SEMA5A: variants seen among roughly 807,000 people sequenced by gnomAD.
The protein encoded by SEMA5A is semaphorin-5A.
In SEMA5A, 55 loss-of-function variants were observed where a neutral mutation model predicts 135.5. That is an observed-to-expected ratio of 0.41 (90% CI 0.33 to 0.51). The LOEUF is 0.51. Among genes scored for constraint, SEMA5A ranks in the 20% least tolerant of loss-of-function variants. The pLI, the probability that SEMA5A is intolerant of heterozygous loss-of-function variation, is 0.37. For missense variants in SEMA5A, 1,290 were observed against 1,419.9 expected (o/e 0.91, Z 1.47); for synonymous variants, 580 against 546.5 (o/e 1.06, Z -0.85).
At chr5:9,455,266 T>A (rs1283826909) in intron 1 of SEMA5A, among the ~76,000 whole-genome samples, 130 of 151,776 alleles carry the variant, frequency 8.6e-4, no homozygotes, top group South Asian at 2.1e-3. Context: ...TATTTTTTTT[T>A]TTTTTTTGAG....
chr5:9,526,881 G>T (rs1048683684), intron 1 of SEMA5A, among the ~76,000 whole-genome samples: 1 of 152,196 alleles, frequency 6.6e-6, no homozygotes, highest in Admixed American at 6.5e-5. Flanking sequence ...GACATACTCA[G>T]TAAAAGATGC....
intron 4 of SEMA5A, among the ~76,000 whole-genome samples, chr5:9,330,017 T>C (rs1753049130): frequency 1.3e-5 from 2 of 152,144 alleles, no homozygotes; most frequent in African/African-American, 4.8e-5. Flanking sequence ...ATTTTAGGCT[T>C]GTGGTTAAAT....
chr5:9,082,187 T>C (rs941649223), intron 16 of SEMA5A, among the ~76,000 whole-genome samples: 89 of 152,194 alleles, frequency 5.8e-4, no homozygotes, highest in African/African-American at 2.0e-3. Context: ...AAACTGAAAA[T>C]AGGGGTGCAT....
At chr5:9,398,907 A>G (rs1444069739) in intron 2 of SEMA5A, among the ~76,000 whole-genome samples, 1 of 152,226 alleles carries the variant, frequency 6.6e-6, no homozygotes, top group Non-Finnish European at 1.5e-5. Flanking sequence ...TGTGCTACCA[A>G]TGGTATAAAG....
chr5:9,079,520 A>T (rs1738252826), intron 16 of SEMA5A, among the ~76,000 whole-genome samples: 1 of 152,010 alleles, frequency 6.6e-6, no homozygotes, highest in Non-Finnish European at 1.5e-5. Context: ...GCAACAGCAA[A>T]CACATTCAAA....
intron 1 of SEMA5A, among the ~76,000 whole-genome samples, chr5:9,508,723 CT>C (rs1579655347): frequency 6.6e-6 from 1 of 152,146 alleles, no homozygotes; most frequent in Non-Finnish European, 1.5e-5. Context: ...GCTCCAGATC[CT>C]TCTCTATTTT....
chr5:9,377,706 T>C (rs550297203), intron 3 of SEMA5A, among the ~76,000 whole-genome samples: 3 of 152,216 alleles, frequency 2.0e-5, no homozygotes, highest in East Asian at 1.9e-4. Flanking sequence ...AAGGAAGAAA[T>C]AGACACTAAG....
At chr5:9,542,082 T>A (rs570994191) in intron 1 of SEMA5A, among the ~76,000 whole-genome samples, 1 of 152,350 alleles carries the variant, frequency 6.6e-6, no homozygotes, top group East Asian at 1.9e-4. Context: ...CTTTTCTCCC[T>A]ATCAGAAATT....
At chr5:9,116,049 C>T (rs1296558800) in intron 15 of SEMA5A, among the ~76,000 whole-genome samples, 2 of 152,180 alleles carry the variant, frequency 1.3e-5, no homozygotes, top group Non-Finnish European at 2.9e-5. Context: ...TGCAGTTTGA[C>T]AGCCCACAAA....
chr5:9,222,080 G>A (rs1274832940), intron 8 of SEMA5A, among the ~76,000 whole-genome samples: 1 of 152,242 alleles, frequency 6.6e-6, no homozygotes, highest in African/African-American at 2.4e-5. Context: ...TTTGGTGGGA[G>A]TCAGTGCAGG....
chr5:9,505,043 CA>C (rs1215091945), intron 1 of SEMA5A, among the ~76,000 whole-genome samples: 3 of 151,812 alleles, frequency 2.0e-5, no homozygotes, highest in African/African-American at 7.3e-5. Flanking sequence ...TTCTCCTGAT[CA>C]AAAATTCCAA....
At chr5:9,270,415 C>T (rs959116720) in intron 5 of SEMA5A, among the ~76,000 whole-genome samples, 1 of 151,970 alleles carries the variant, frequency 6.6e-6, no homozygotes, top group Non-Finnish European at 1.5e-5. Context: ...TCTACGAGAA[C>T]CTCAATTCAA....
At chr5:9,343,804 C>T (rs959427776) in intron 3 of SEMA5A, among the ~76,000 whole-genome samples, 3 of 152,220 alleles carry the variant, frequency 2.0e-5, no homozygotes, top group African/African-American at 4.8e-5. Context: ...TTGCAGTTTG[C>T]GTTACCAGGC....
intron 5 of SEMA5A, among the ~76,000 whole-genome samples, chr5:9,301,421 TAAAA>T (rs1751605151): frequency 6.6e-6 from 1 of 152,156 alleles, no homozygotes; most frequent in African/African-American, 2.4e-5. Flanking sequence ...TGGCAAGTGA[TAAAA>T]ACTCAATGCC....
intron 5 of SEMA5A, among the ~76,000 whole-genome samples, chr5:9,256,550 T>G (rs2150502369): frequency 6.6e-6 from 1 of 152,344 alleles, no homozygotes; most frequent in Non-Finnish European, 1.5e-5. Context: ...TCATAAATAC[T>G]TTCTATCACA....
At position 9,525,321 on chromosome 5, in the gene SEMA5A, C is replaced by T. The variant is rs555074832; in HGVS notation, c.-175+20263G>A. Among the ~76,000 whole-genome samples the T allele has an allele frequency of 2.7e-4, 41 of 152,298 alleles. 1 individual carries two copies. The South Asian group carries it at 5.4e-3, about 20-fold the overall frequency. On this transcript the variant is annotated intron_variant, in intron 1 of 22. Coordinates refer to ENST00000382496, the MANE Select transcript of SEMA5A (RefSeq NM_003966.3). Reference sequence around the variant, plus strand: ...AAAACTTTGCTGATCCCTGATTTAACCTAAAATGACTGGCAGCAACAGTAA... The same window carrying T: ...AAAACTTTGCTGATCCCTGATTTAATCTAAAATGACTGGCAGCAACAGTAA...
chr5:9,391,332 G>A (rs1756152476), intron 2 of SEMA5A, among the ~76,000 whole-genome samples: 1 of 152,260 alleles, frequency 6.6e-6, no homozygotes, highest in Non-Finnish European at 1.5e-5. Flanking sequence ...GGGGCAGGAT[G>A]GGCTCATTCA....
At chr5:9,398,517 G>A (rs1198127564) in intron 2 of SEMA5A, among the ~76,000 whole-genome samples, 1 of 152,210 alleles carries the variant, frequency 6.6e-6, no homozygotes. Context: ...CAAGGGCCAG[G>A]TCTGCAAACA....
At chr5:9,516,105 A>G (rs1736497315) in intron 1 of SEMA5A, among the ~76,000 whole-genome samples, 1 of 152,210 alleles carries the variant, frequency 6.6e-6, no homozygotes, top group African/African-American at 2.4e-5. Flanking sequence ...TACGGTATAT[A>G]AAGCACTGTG....
Sources: allele counts gnomAD v4.1 joint callset (sites outside exome capture counted in the v4.1 genomes callset), GRCh38; gene constraint gnomAD v4.1.1; transcripts MANE v1.5; gene names NCBI Gene and HGNC (gene_info 2026-07-23, HGNC 2026-07-21).